The following SPTLC2 variants were observed in gnomAD, a reference collection of about 807,000 sequenced individuals.
The protein encoded by SPTLC2 is serine palmitoyltransferase long chain base subunit 2, also known as serine palmitoyltransferase 2.
Under a neutral mutation model 62.0 loss-of-function variants are expected in SPTLC2, and 21 were observed. The observed-to-expected ratio is 0.34, with a 90% confidence interval of 0.24 to 0.49. The LOEUF (loss-of-function observed/expected upper bound fraction) is 0.49, where lower values mean the gene tolerates loss of function less well. SPTLC2 is among the 20% of genes least tolerant of loss of function. The pLI is 0.99. For missense variants in SPTLC2, 511 were observed against 713.0 expected (o/e 0.72, Z 3.23); for synonymous variants, 261 against 261.8 (o/e 1.00, Z 0.03).
intron 1 of SPTLC2, among the ~76,000 whole-genome samples, chr14:77,606,570 A>G (rs1183750873): frequency 6.6e-6 from 1 of 152,194 alleles, no homozygotes; most frequent in African/African-American, 2.4e-5. Context: ...ATAATTTTTC[A>G]ACATTAAAGT....
chr14:77,545,269 CT>C (rs34363127), intron 9 of SPTLC2, among the ~76,000 whole-genome samples: 28,867 of 146,488 alleles, frequency 0.2, 2,792 homozygotes, highest in East Asian at 0.31. Flanking sequence ...GTATCGGGCA[CT>C]TTTTTTTTTT....
chr14:77,512,510 G>A lies in SPTLC2; in HGVS notation c.1570-107C>T, dbSNP rs113163668. ...ATCATGGCAAGATTATCCTTCGGCA[G>A]GACTTATGTCTAGTGCATTTACAAG... On this transcript the variant is annotated intron_variant, in intron 11 of 11. Coordinates refer to ENST00000216484, the MANE Select transcript of SPTLC2 (RefSeq NM_004863.4). 2,831 of 1,533,812 alleles carry A rather than the reference G, an allele frequency of 1.8e-3. 31 individuals are homozygous for A. In the African/African-American group the frequency reaches 0.028, roughly 15 times the overall value.
intron 8 of SPTLC2, among the ~76,000 whole-genome samples, chr14:77,554,244 T>C (rs534081465): frequency 9.2e-5 from 14 of 152,296 alleles, no homozygotes; most frequent in African/African-American, 3.4e-4. Context: ...GCAATCAACG[T>C]TTAAAAATAA....
chr14:77,587,321 A>C (rs909917658), intron 2 of SPTLC2, among the ~76,000 whole-genome samples: 8 of 152,210 alleles, frequency 5.3e-5, no homozygotes, highest in African/African-American at 1.9e-4. Context: ...AGTGAAACTG[A>C]AGACATGCAT....
rs2079619142 is a variant in SPTLC2 at position 77,562,308 on chromosome 14, A to G, written c.850+88T>C. 5 of 1,120,648 alleles carry G rather than the reference A, an allele frequency of 4.5e-6. No individual in the cohort carries two copies. The Admixed American group carries it at 6.8e-5, about 15-fold the overall frequency. The allele number at this position is 1,120,648 out of a possible 1,614,324, so 69.4% of individuals were successfully genotyped here. Reference sequence around the variant, plus strand: ...CTACTTTGTCTTCATTTATACTTTCAAGTGCTAATATAACTAATGTTAACT... The same window carrying G: ...CTACTTTGTCTTCATTTATACTTTCGAGTGCTAATATAACTAATGTTAACT... On this transcript the variant is annotated intron_variant, in intron 6 of 11. Coordinates refer to ENST00000216484, the MANE Select transcript of SPTLC2 (RefSeq NM_004863.4).
At chr14:77,584,974 G>C (rs2079773203) in intron 2 of SPTLC2, among the ~76,000 whole-genome samples, 1 of 152,252 alleles carries the variant, frequency 6.6e-6, no homozygotes, top group African/African-American at 2.4e-5. Context: ...CCTCAGTGCT[G>C]GGTCGGCACC....
chr14:77,591,062 T>C (rs986590141), intron 2 of SPTLC2, among the ~76,000 whole-genome samples: 2 of 152,204 alleles, frequency 1.3e-5, no homozygotes, highest in Admixed American at 6.5e-5. Flanking sequence ...ATTTTGAGTA[T>C]AGTTTTTTAC....
At chr14:77,592,968 T>C (rs958969301) in intron 2 of SPTLC2, among the ~76,000 whole-genome samples, 10 of 151,996 alleles carry the variant, frequency 6.6e-5, no homozygotes, top group African/African-American at 2.2e-4. Flanking sequence ...CTGGGCGTGG[T>C]GGTGCATGAC....
intron 9 of SPTLC2, among the ~76,000 whole-genome samples, chr14:77,536,711 CT>C (rs2079472917): frequency 1.3e-5 from 2 of 151,728 alleles, no homozygotes; most frequent in African/African-American, 2.4e-5. Flanking sequence ...CAAGTGATAA[CT>C]TTTAAAAAGA....
chr14:77,528,239 T>C (rs1425647329), intron 9 of SPTLC2, among the ~76,000 whole-genome samples: 1 of 147,852 alleles, frequency 6.8e-6, no homozygotes, highest in African/African-American at 2.5e-5. Context: ...TTTCCTCTTC[T>C]TTTTTTTTTG....
At chr14:77,516,889 A>T (rs2079361982) in intron 11 of SPTLC2, among the ~76,000 whole-genome samples, 1 of 152,246 alleles carries the variant, frequency 6.6e-6, no homozygotes, top group Admixed American at 6.5e-5. Context: ...CTATTCAGGA[A>T]TACAAAATGT....
rs2079324055 is a variant in SPTLC2 at position 77,509,932 on chromosome 14, G to T, written c.*2352C>A. The T allele has an allele frequency of 2.5e-6, 1 of 398,396 alleles. No homozygotes were observed. The highest frequency in any genetic ancestry group is 4.4e-6 in the Non-Finnish European group (1 of 225,986). The allele number at this position is 398,396 out of a possible 1,614,324, so 24.7% of individuals were successfully genotyped here. A position where few individuals can be genotyped will look rare whatever the true frequency, so the allele number is the denominator to read the frequency against. On this transcript the variant is annotated 3_prime_UTR_variant, in exon 12 of 12. Coordinates refer to ENST00000216484, the MANE Select transcript of SPTLC2 (RefSeq NM_004863.4). ...CGGTACTGACATTTGAATTTGCAGTGACTTCATGCAAGCCAAAATAAAAAG... is the reference window on the plus strand; with the variant it reads ...CGGTACTGACATTTGAATTTGCAGTTACTTCATGCAAGCCAAAATAAAAAG...
At chr14:77,553,763 G>C (rs1462461112) in intron 8 of SPTLC2, among the ~76,000 whole-genome samples, 2 of 145,588 alleles carry the variant, frequency 1.4e-5, no homozygotes, top group Admixed American at 6.9e-5. Flanking sequence ...TATCAAAGCT[G>C]ATTAAAAGTC....
chr14:77,572,914 T>C (rs2079691820), intron 4 of SPTLC2, among the ~76,000 whole-genome samples: 1 of 152,250 alleles, frequency 6.6e-6, no homozygotes, highest in Non-Finnish European at 1.5e-5. Flanking sequence ...TAAGGGAATG[T>C]TGTGGCTGCT....
At chr14:77,558,338 C>T (rs893680964) in intron 6 of SPTLC2, among the ~76,000 whole-genome samples, 1 of 151,936 alleles carries the variant, frequency 6.6e-6, no homozygotes, top group African/African-American at 2.4e-5. Flanking sequence ...GAGCACCACG[C>T]CTGGCCCTAT....
intron 4 of SPTLC2, among the ~76,000 whole-genome samples, chr14:77,573,482 A>C (rs1317383239): frequency 7.1e-6 from 1 of 141,248 alleles, no homozygotes; most frequent in Non-Finnish European, 1.5e-5. Context: ...TCAATAAAAA[A>C]TTTTTACAAA....
At chr14:77,614,174 A>G (rs964085486) in intron 1 of SPTLC2, among the ~76,000 whole-genome samples, 1 of 152,214 alleles carries the variant, frequency 6.6e-6, no homozygotes, top group Non-Finnish European at 1.5e-5. Flanking sequence ...TAGTACCTTG[A>G]TATTTCTTCA....
chr14:77,593,137 G>C (rs2079827706), intron 2 of SPTLC2, among the ~76,000 whole-genome samples: 1 of 151,778 alleles, frequency 6.6e-6, no homozygotes. Context: ...TAAAAAATAA[G>C]TGAGAATGTG....
intron 5 of SPTLC2, among the ~76,000 whole-genome samples, chr14:77,566,681 C>G (rs2079646864): frequency 1.3e-5 from 2 of 152,124 alleles, no homozygotes; most frequent in African/African-American, 2.4e-5. Context: ...AGGATGGTCT[C>G]GATCTCCTGA....
Sources: gnomAD v4.1 joint callset for allele counts (sites outside exome capture counted in the v4.1 genomes callset) on GRCh38, gnomAD v4.1.1 for gene constraint, MANE v1.5 for transcripts, NCBI Gene and HGNC (gene_info 2026-07-23, HGNC 2026-07-21) for gene names.